NEBL: variants seen among roughly 807,000 people sequenced by gnomAD.
NEBL encodes the protein LIM and SH3 protein 2.
NEBL carries 122 observed loss-of-function variants against 140.2 expected under a neutral mutation model. The ratio of observed to expected loss-of-function variants is 0.87; its 90% CI spans 0.75 to 1.01. The LOEUF (loss-of-function observed/expected upper bound fraction) is 1.01, where lower values mean the gene tolerates loss of function less well. Ranked by LOEUF, NEBL falls within the 50% of genes least tolerant of loss-of-function variation. The pLI is 0.00. For synonymous variants in NEBL, 436 were observed against 398.9 expected (o/e 1.09, Z -1.11); for missense variants, 1,365 against 1,231.3 (o/e 1.11, Z -1.62).
intron 3 of NEBL, among the ~76,000 whole-genome samples, chr10:21,212,706 T>C (rs771018169): frequency 3.9e-5 from 6 of 152,198 alleles, no homozygotes; most frequent in Non-Finnish European, 7.3e-5. Context: ...CCAAAGGCCC[T>C]GTGGCCACTT....
intron 3 of NEBL, among the ~76,000 whole-genome samples, chr10:20,995,626 A>C (rs750663182): frequency 6.6e-6 from 1 of 152,220 alleles, no homozygotes; most frequent in Non-Finnish European, 1.5e-5. Context: ...ATGAACTCCC[A>C]ACTTCACTGC....
chr10:21,197,584 T>C (rs1344775251), intron 3 of NEBL, among the ~76,000 whole-genome samples: 1 of 152,086 alleles, frequency 6.6e-6, no homozygotes, highest in Non-Finnish European at 1.5e-5. Flanking sequence ...TGAAAATAAG[T>C]CAGGCTTACA....
intron 13 of NEBL, 115 bp from the exon 14 acceptor site, chr10:20,835,738 C>T: frequency 1.3e-6 from 1 of 764,244 alleles, no homozygotes; most frequent in South Asian, 1.4e-5. Context: ...GGTAACAAAG[C>T]TCCTTGAGTA....
intron 4 of NEBL, among the ~76,000 whole-genome samples, chr10:20,885,873 T>A (rs1232337596): frequency 6.6e-6 from 1 of 152,184 alleles, no homozygotes; most frequent in Admixed American, 6.5e-5. Flanking sequence ...CAGTCACCCA[T>A]GCAGAACGTT....
chr10:20,932,422 G>T (rs1402869964), intron 4 of NEBL, among the ~76,000 whole-genome samples: 3 of 152,132 alleles, frequency 2.0e-5, no homozygotes, highest in African/African-American at 7.2e-5. Flanking sequence ...CCTGGGGCTG[G>T]GGGGTGGGGG....
At chr10:20,792,123 G>GAAAAAAAAAAAAAA in intron 26 of NEBL, among the ~76,000 whole-genome samples, 1 of 106,744 alleles carries the variant, frequency 9.4e-6, no homozygotes, top group Non-Finnish European at 2.1e-5. Flanking sequence ...ATTCCAAATA[G>GAAAAAAAAAAAAAA]AAAAAAAAAA....
intron 5 of NEBL, among the ~76,000 whole-genome samples, chr10:20,877,422 C>T (rs1043125706): frequency 6.6e-6 from 1 of 152,176 alleles, no homozygotes; most frequent in African/African-American, 2.4e-5. Context: ...AGTATTTAGG[C>T]AGATAGTGAG....
At chr10:21,008,855 G>C (rs144679169) in intron 3 of NEBL, among the ~76,000 whole-genome samples, 1 of 151,772 alleles carries the variant, frequency 6.6e-6, no homozygotes, top group Non-Finnish European at 1.5e-5. Context: ...TGCAAATAAG[G>C]GGTGTCTACT....
chr10:21,079,893 A>G (rs1019510474), intron 2 of NEBL, among the ~76,000 whole-genome samples: 4 of 152,198 alleles, frequency 2.6e-5, no homozygotes, highest in African/African-American at 9.7e-5. Context: ...CCTTTTTCAT[A>G]TAATAAAAGA....
rs111932157 is a variant in NEBL, at chr10:21,103,788, A to C, written c.164+68595T>G. ...ATCTTTTGAAAAGAAAAAGGTTTTC[A>C]TTTTCATAAAGTCAATGTATCCATT... On this transcript the variant is annotated intron_variant, in intron 2 of 6. Coordinates refer to the NEBL transcript ENST00000417816. 9.9e-3 allele frequency among the ~76,000 whole-genome samples: 1,507 copies of C among 152,210 alleles called. 23 individuals are homozygous for C. The highest frequency in any genetic ancestry group is 0.033 in the African/African-American group (1,382 of 41,530).
intron 1 of NEBL, among the ~76,000 whole-genome samples, chr10:21,260,537 G>C (rs1420815260): frequency 6.6e-6 from 1 of 152,140 alleles, no homozygotes; most frequent in African/African-American, 2.4e-5. Flanking sequence ...CCTTGATTGT[G>C]TGTTCATTTG....
At position 20,848,091 on chromosome 10, in the gene NEBL, G is replaced by A. The variant is rs181458337; in HGVS notation, c.1116+2304C>T. Among the ~76,000 whole-genome samples the A allele has an allele frequency of 4.6e-5, 7 of 152,300 alleles. No homozygotes were observed. The East Asian group carries it at 1.2e-3, about 25-fold the overall frequency. ...GAAAACAGAAACCTTTCTCTGGGCT[G>A]TGGGTCAGTGACAATGGCCACATTA... On this transcript the variant is annotated intron_variant, in intron 11 of 27. Coordinates refer to ENST00000377122, the MANE Select transcript of NEBL (RefSeq NM_006393.3).
chr10:21,029,655 G>T, intron 2 of NEBL: 1 of 1,273,916 alleles, frequency 7.8e-7, no homozygotes. Context: ...GTGATGATAG[G>T]TTTGGAGACA....
chr10:20,937,958 G>C (rs1834596299), intron 4 of NEBL, among the ~76,000 whole-genome samples: 1 of 152,188 alleles, frequency 6.6e-6, no homozygotes, highest in African/African-American at 2.4e-5. Flanking sequence ...GAACTGGGTG[G>C]AGCCCACCTC....
intron 4 of NEBL, among the ~76,000 whole-genome samples, chr10:20,882,797 C>T (rs968878133): frequency 6.6e-6 from 1 of 152,056 alleles, no homozygotes; most frequent in Non-Finnish European, 1.5e-5. Context: ...CTCTGGACTG[C>T]CATCTAGTTT....
rs539052360 is a variant in NEBL at position 21,270,047 on chromosome 10, G to C, written n.183-18219C>G. ...AGAAAATTATTTATGTCTGAAACAGGTTAAAATATCTTTCTAGACATCATC... is the reference window on the plus strand; with the variant it reads ...AGAAAATTATTTATGTCTGAAACAGCTTAAAATATCTTTCTAGACATCATC... On this transcript the variant is annotated intron_variant and non_coding_transcript_variant, in intron 1 of 8. Coordinates refer to the NEBL transcript ENST00000675702. Among the ~76,000 whole-genome samples, 42 of 152,250 alleles carry C rather than the reference G, an allele frequency of 2.8e-4. No homozygotes were observed. In the South Asian group the frequency reaches 6.0e-3, roughly 22 times the overall value.
rs558905387 is a variant in NEBL at position 21,041,511 on chromosome 10, T to C, written c.165-21310A>G. The stretch of plus-strand genomic sequence containing the variant: ...GAGAGTTTTGACCTGAGAGAGAAAT[T>C]GCTTTTACTAAAAACAAGCAATAAC... On this transcript the variant is annotated intron_variant, in intron 2 of 6. Transcript: ENST00000417816. Among the ~76,000 whole-genome samples, 35 of 152,270 alleles carry C rather than the reference T, an allele frequency of 2.3e-4. 1 individual carries two copies. The highest frequency in any genetic ancestry group is 7.9e-4 in the African/African-American group (33 of 41,562).
chr10:20,972,774 A>G (rs1391700785), intron 3 of NEBL, among the ~76,000 whole-genome samples: 1 of 152,010 alleles, frequency 6.6e-6, no homozygotes, highest in African/African-American at 2.4e-5. Flanking sequence ...TAAAAAAAAA[A>G]TGTAAATGCA....
intron 2 of NEBL, among the ~76,000 whole-genome samples, chr10:20,891,549 T>A (rs1413759455): frequency 1.3e-5 from 2 of 152,212 alleles, no homozygotes; most frequent in Non-Finnish European, 2.9e-5. Context: ...TGCAGTGGTA[T>A]GTGCTTGTGG....
Sources: gnomAD v4.1 joint callset for allele counts (sites outside exome capture counted in the v4.1 genomes callset) on GRCh38, gnomAD v4.1.1 for gene constraint, MANE v1.5 for transcripts, NCBI Gene and HGNC (gene_info 2026-07-23, HGNC 2026-07-21) for gene names.